Variants in DDX10 observed in about 807,000 individuals in gnomAD.
The protein encoded by DDX10 is DEAD-box helicase 10.
A neutral mutation model predicts 104.3 loss-of-function variants in DDX10; 74 were observed. The ratio of observed to expected loss-of-function variants is 0.71; its 90% CI spans 0.59 to 0.86. DDX10 has a LOEUF of 0.86. DDX10 is among the 40% of genes least tolerant of loss of function. The probability of loss-of-function intolerance (pLI) is 0.00; values close to 1 mark genes in which losing one functional copy is unlikely to be tolerated. For missense variants in DDX10, 952 were observed against 1,040.0 expected (o/e 0.92, Z 1.16); for synonymous variants, 351 against 353.4 (o/e 0.99, Z 0.08).
At chr11:108,854,278 G>A (rs778586889) in intron 16 of DDX10, among the ~76,000 whole-genome samples, 2 of 152,326 alleles carry the variant, frequency 1.3e-5, no homozygotes, top group Non-Finnish European at 2.9e-5. Context: ...TGGTAAAGGG[G>A]TGATGGCACA....
chr11:108,716,102 AT>A (rs879827183), intron 11 of DDX10, 136 bp downstream of exon 11: 17,612 of 456,068 alleles, frequency 0.039, no homozygotes, highest in East Asian at 0.053. Flanking sequence ...AGTCTAGCTT[AT>A]TTTTTTTTTT....
At chr11:108,668,354 A>G (rs2094212677) in intron 1 of DDX10, among the ~76,000 whole-genome samples, 1 of 151,866 alleles carries the variant, frequency 6.6e-6, no homozygotes, top group Non-Finnish European at 1.5e-5. Context: ...TTTAAATCCC[A>G]TTTGTTTCAT....
At chr11:108,922,262 A>AAAAAAAAAAAAAAAAAAC (rs1863842754) in intron 17 of DDX10, 1 of 101,782 alleles carries the variant, frequency 9.8e-6, no homozygotes, top group African/African-American at 3.5e-5. Context: ...AAAAAAAAAA[A>AAAAAAAAAAAAAAAAAAC]AAAGAGAGAG....
rs1044212011 is a variant in DDX10 at position 108,800,653 on chromosome 11, T to C, written c.1966-37793T>C. Among the ~76,000 whole-genome samples, 3 of 152,170 alleles carry C rather than the reference T, an allele frequency of 2.0e-5. 1 individual carries two copies. Among genetic ancestry groups the C allele is most frequent in the Admixed American group, 2.0e-4 (3 of 15,268 alleles). On this transcript the variant is annotated intron_variant, in intron 13 of 17. Transcript: ENST00000322536. ...TTATAAGAAATCAAAATCTTGTTGA[T>C]CAATTGACAATCAATATGGGAAACT...
intron 13 of DDX10, among the ~76,000 whole-genome samples, chr11:108,832,927 A>T (rs906775175): frequency 2.0e-5 from 3 of 152,228 alleles, no homozygotes; most frequent in South Asian, 4.1e-4. Context: ...CTCTGGAAGG[A>T]TACAGAAGCT....
chr11:108,838,378 G>T, intron 13 of DDX10, 68 bp from the exon 14 acceptor site: 1 of 1,522,934 alleles, frequency 6.6e-7, no homozygotes, highest in Non-Finnish European at 8.9e-7. Context: ...TATATTGCCA[G>T]AGTTGGATTG....
rs577713091 is a variant in DDX10 at position 108,877,017 on chromosome 11, A to G, written c.2304+24808A>G. On this transcript the variant is annotated intron_variant, in intron 16 of 17. Coordinates refer to ENST00000322536, the MANE Select transcript of DDX10 (RefSeq NM_004398.4). ...CTTTACTACTTCTTGGGTTCTTTGA[A>G]GAAATGGCTAGAAACACAGAGAACA... 7.2e-5 allele frequency among the ~76,000 whole-genome samples: 11 copies of G among 152,318 alleles called. No homozygotes were observed. The South Asian group carries it at 2.3e-3, about 32-fold the overall frequency.
At chr11:108,805,934 C>T (rs1469560642) in intron 13 of DDX10, among the ~76,000 whole-genome samples, 3 of 151,976 alleles carry the variant, frequency 2.0e-5, no homozygotes, top group Non-Finnish European at 4.4e-5. Context: ...AAATTGTTTA[C>T]ACATTTTAAA....
chr11:108,884,410 TTCCCTCC>T (rs1382362263), intron 16 of DDX10, among the ~76,000 whole-genome samples: 2 of 152,144 alleles, frequency 1.3e-5, no homozygotes, highest in Non-Finnish European at 2.9e-5. Context: ...CTCTGCCTGC[TTCCCTCC>T]TCCCTCCTTC....
At position 108,708,295 on chromosome 11, in the gene DDX10, A is replaced by ATT. The variant is rs200144585; in HGVS notation, c.1322+1469_1322+1470dup. On this transcript the variant is annotated intron_variant, in intron 10 of 17. Transcript: ENST00000322536. Reference sequence around the variant, plus strand: ...TTTTAAAATCTGATGAGATCATGTGATTTTTTTTTTTTCTTTTTTAGCCTG... The same window carrying ATT: ...TTTTAAAATCTGATGAGATCATGTGATTTTTTTTTTTTTTCTTTTTTAGCCTG... Among the ~76,000 whole-genome samples the ATT allele has an allele frequency of 1.1e-3, 137 of 129,308 alleles. 2 individuals are homozygous for ATT. Among genetic ancestry groups the ATT allele is most frequent in the East Asian group, 8.0e-3 (35 of 4,388 alleles). 84.8% of individuals were successfully genotyped at this position (129,308 alleles called of 152,430 possible).
At chr11:108,924,166 T>A (rs1863877745) in intron 17 of DDX10, among the ~76,000 whole-genome samples, 1 of 152,136 alleles carries the variant, frequency 6.6e-6, no homozygotes, top group Non-Finnish European at 1.5e-5. Flanking sequence ...TCAAATTAAA[T>A]TTTTAATATA....
At chr11:108,828,471 A>AT (rs1302165344) in intron 13 of DDX10, among the ~76,000 whole-genome samples, 2 of 152,150 alleles carry the variant, frequency 1.3e-5, no homozygotes, top group Admixed American at 6.5e-5. Flanking sequence ...GTTGCTGTGA[A>AT]TGCCATTATT....
At chr11:108,812,843 A>G (rs972741785) in intron 13 of DDX10, among the ~76,000 whole-genome samples, 2 of 151,900 alleles carry the variant, frequency 1.3e-5, no homozygotes, top group African/African-American at 4.8e-5. Context: ...TTAGCCGGGC[A>G]TGGTGGCACA....
At chr11:108,856,287 A>G (rs1307211983) in intron 16 of DDX10, among the ~76,000 whole-genome samples, 6 of 152,090 alleles carry the variant, frequency 3.9e-5, no homozygotes, top group African/African-American at 1.4e-4. Context: ...GAAATTAGCC[A>G]GGCATGGTGG....
chr11:108,880,014 C>T (rs1863206226), intron 16 of DDX10, among the ~76,000 whole-genome samples: 1 of 152,184 alleles, frequency 6.6e-6, no homozygotes, highest in African/African-American at 2.4e-5. Flanking sequence ...TTGAATAACA[C>T]TCCATTTGAC....
intron 3 of DDX10, 65 bp from the exon 4 acceptor site, chr11:108,677,020 T>G: frequency 1.2e-4 from 174 of 1,479,934 alleles, no homozygotes; most frequent in Non-Finnish European, 1.4e-4. Context: ...GGGGCAAGGT[T>G]GAGATGCAGG....
At chr11:108,701,606 A>C (rs559365280) in intron 9 of DDX10, among the ~76,000 whole-genome samples, 6 of 151,908 alleles carry the variant, frequency 3.9e-5, no homozygotes, top group African/African-American at 1.2e-4. Context: ...CTAATAGCTA[A>C]TAGTACAACA....
intron 16 of DDX10, among the ~76,000 whole-genome samples, chr11:108,862,386 T>C (rs1258385338): frequency 6.6e-6 from 1 of 152,216 alleles, no homozygotes; most frequent in Non-Finnish European, 1.5e-5. Flanking sequence ...TCAGCCTAGA[T>C]ATTTTAATCT....
At chr11:108,676,378 G>C (rs1404894457) in intron 3 of DDX10, among the ~76,000 whole-genome samples, 1 of 151,954 alleles carries the variant, frequency 6.6e-6, no homozygotes, top group Non-Finnish European at 1.5e-5. Flanking sequence ...AAAAAAAAAG[G>C]CTCCCTATAG....
Sources: allele counts gnomAD v4.1 joint callset (sites outside exome capture counted in the v4.1 genomes callset), GRCh38; gene constraint gnomAD v4.1.1; transcripts MANE v1.5; gene names NCBI Gene and HGNC (gene_info 2026-07-23, HGNC 2026-07-21).